GALNT17: variants seen among roughly 807,000 people sequenced by gnomAD.
GALNT17 encodes UDP-GalNAc:polypeptide N-acetylgalactosaminyltransferase-like 3.
In GALNT17, 29 loss-of-function variants were observed where a neutral mutation model predicts 63.7. The observed-to-expected ratio is 0.46, with a 90% CI of 0.34 to 0.62. GALNT17 has a LOEUF of 0.62. Ranked by LOEUF, GALNT17 falls within the 20% of genes least tolerant of loss-of-function variation. The pLI is 0.01. For missense variants in GALNT17, 603 were observed against 799.6 expected (o/e 0.75, Z 2.97); for synonymous variants, 305 against 318.3 (o/e 0.96, Z 0.45).
chr7:71,527,947 T>G (rs1584027174), intron 5 of GALNT17, among the ~76,000 whole-genome samples: 1 of 152,100 alleles, frequency 6.6e-6, no homozygotes, highest in South Asian at 2.1e-4. Context: ...TGCACCAAGG[T>G]TTTTTTTAAC....
rs570443136 is a variant in GALNT17 at position 71,166,104 on chromosome 7, G to A, written c.238+33064G>A. 4.6e-5 allele frequency among the ~76,000 whole-genome samples: 7 copies of A among 152,168 alleles called. No homozygotes were observed. The East Asian group carries it at 5.8e-4, about 13-fold the overall frequency. On this transcript the variant is annotated intron_variant, in intron 1 of 10. Coordinates refer to ENST00000333538, the MANE Select transcript of GALNT17 (RefSeq NM_022479.3). ...TTTGCAGAGTTTTTGTGACTTCATCGTTCAAATGCAATGTGCACATCTGTT... is the reference window on the plus strand; with the variant it reads ...TTTGCAGAGTTTTTGTGACTTCATCATTCAAATGCAATGTGCACATCTGTT...
At chr7:71,640,880 G>A (rs1054139782) in intron 6 of GALNT17, among the ~76,000 whole-genome samples, 2 of 151,544 alleles carry the variant, frequency 1.3e-5, no homozygotes, top group Non-Finnish European at 2.9e-5. Context: ...ACATTATTCC[G>A]AGAAGGGATC....
At chr7:71,330,201 C>T (rs1791783574) in intron 1 of GALNT17, among the ~76,000 whole-genome samples, 1 of 151,894 alleles carries the variant, frequency 6.6e-6, no homozygotes, top group Non-Finnish European at 1.5e-5. Context: ...TTAGTAGAGA[C>T]AAGGTTTCAC....
At chr7:71,366,584 A>G (rs1792514602) in intron 2 of GALNT17, among the ~76,000 whole-genome samples, 1 of 152,060 alleles carries the variant, frequency 6.6e-6, no homozygotes, top group African/African-American at 2.4e-5. Context: ...TGTCTCAAAC[A>G]AACAAACAAA....
chr7:71,259,751 C>A (rs1445715116), intron 1 of GALNT17, among the ~76,000 whole-genome samples: 2 of 150,168 alleles, frequency 1.3e-5, no homozygotes, highest in Non-Finnish European at 3.0e-5. Flanking sequence ...ATGCCATTCT[C>A]CTTCCTCAGC....
rs770049757 is a variant in GALNT17, at chr7:71,420,892, T to C, written c.765-16T>C. On this transcript the variant is annotated splice_polypyrimidine_tract_variant and intron_variant, in intron 4 of 10. Coordinates refer to ENST00000333538, the MANE Select transcript of GALNT17 (RefSeq NM_022479.3). ...GGAGAGAAGAGAGGTTTCATGTCTA[T>C]TTCTCTATGTTTCAGGGCTGAGCCG... is the stretch of plus-strand genomic sequence containing the variant. 38 of 1,559,882 alleles carry C rather than the reference T, an allele frequency of 2.4e-5. No individual in the cohort carries two copies. Among genetic ancestry groups the C allele is most frequent in the Non-Finnish European group, 3.2e-5 (37 of 1,147,328 alleles).
intron 6 of GALNT17, among the ~76,000 whole-genome samples, chr7:71,645,431 AC>A (rs1240410136): frequency 1.3e-5 from 2 of 151,900 alleles, no homozygotes; most frequent in Non-Finnish European, 2.9e-5. Flanking sequence ...CCTCCTACAC[AC>A]CCTCTCTCTC....
intron 5 of GALNT17, among the ~76,000 whole-genome samples, chr7:71,495,745 A>C (rs901310628): frequency 6.6e-6 from 1 of 152,114 alleles, no homozygotes; most frequent in African/African-American, 2.4e-5. Context: ...TGAATTGGGC[A>C]TCGTAATAAT....
At chr7:71,164,323 A>G (rs115251700) in intron 1 of GALNT17, among the ~76,000 whole-genome samples, 1,765 of 152,334 alleles carry the variant, frequency 0.012, 35 homozygotes, top group African/African-American at 0.041. Flanking sequence ...CACGTCTTAC[A>G]TGGAAGCAGG....
chr7:71,253,819 C>CA (rs1462852559), intron 1 of GALNT17, among the ~76,000 whole-genome samples: 2 of 152,100 alleles, frequency 1.3e-5, no homozygotes, highest in Non-Finnish European at 2.9e-5. Context: ...CCAGTGTGCC[C>CA]AAGGTTTTGG....
At chr7:71,601,616 T>TA (rs367715660) in intron 6 of GALNT17, among the ~76,000 whole-genome samples, 2 of 151,952 alleles carry the variant, frequency 1.3e-5, no homozygotes, top group Non-Finnish European at 2.9e-5. Flanking sequence ...ACCCTGTTTC[T>TA]AAAAAATATG....
chr7:71,382,079 TA>T (rs1045156069), intron 2 of GALNT17, among the ~76,000 whole-genome samples: 1 of 151,514 alleles, frequency 6.6e-6, no homozygotes, highest in African/African-American at 2.4e-5. Flanking sequence ...GCTAATAGAT[TA>T]AAAAAACAAA....
At chr7:71,376,425 G>GTGGTTTT in intron 2 of GALNT17, among the ~76,000 whole-genome samples, 1 of 63,360 alleles carries the variant, frequency 1.6e-5, no homozygotes, top group East Asian at 7.2e-4. Context: ...GTTTGGAGTT[G>GTGGTTTT]TTTTTTTTTT....
At chr7:71,257,301 G>A (rs550160777) in intron 1 of GALNT17, among the ~76,000 whole-genome samples, 1 of 152,174 alleles carries the variant, frequency 6.6e-6, no homozygotes, top group South Asian at 2.1e-4. Context: ...TTAACCATCT[G>A]GAACAGATTC....
intron 6 of GALNT17, among the ~76,000 whole-genome samples, chr7:71,598,276 A>G (rs115330167): frequency 1.3e-3 from 195 of 152,258 alleles, no homozygotes; most frequent in African/African-American, 4.4e-3. Context: ...AGTAGAAGTC[A>G]TTTTCTAATT....
chr7:71,336,797 C>A (rs1256544999), intron 2 of GALNT17, among the ~76,000 whole-genome samples: 1 of 152,194 alleles, frequency 6.6e-6, no homozygotes, highest in Non-Finnish European at 1.5e-5. Context: ...CTATAATGAA[C>A]ATACCTGTGC....
At chr7:71,677,761 C>G (rs987823619) in intron 9 of GALNT17, among the ~76,000 whole-genome samples, 4 of 152,074 alleles carry the variant, frequency 2.6e-5, no homozygotes, top group African/African-American at 4.8e-5. Flanking sequence ...GTGATCCGCC[C>G]GCCTCGGCCT....
chr7:71,616,187 G>A (rs1374983191), intron 6 of GALNT17, among the ~76,000 whole-genome samples: 2 of 152,016 alleles, frequency 1.3e-5, no homozygotes, highest in South Asian at 4.2e-4. Context: ...GTCAAGACTG[G>A]GGCTCTTACT....
At chr7:71,684,497 C>T (rs1166321713) in intron 9 of GALNT17, among the ~76,000 whole-genome samples, 1 of 152,116 alleles carries the variant, frequency 6.6e-6, no homozygotes, top group Non-Finnish European at 1.5e-5. Flanking sequence ...GCCCCATAGC[C>T]GCGTGTTCCA....
Sources: gnomAD v4.1 joint callset for allele counts (sites outside exome capture counted in the v4.1 genomes callset) on GRCh38, gnomAD v4.1.1 for gene constraint, MANE v1.5 for transcripts, NCBI Gene and HGNC (gene_info 2026-07-23, HGNC 2026-07-21) for gene names.